Variants in MYH10 observed in about 807,000 individuals in gnomAD.
MYH10 encodes myosin heavy chain 10.
MYH10 carries 55 observed loss-of-function variants against 257.8 expected under a neutral mutation model. That is an observed-to-expected ratio of 0.21 (90% CI 0.17 to 0.27). The LOEUF is 0.27. Among genes scored for constraint, MYH10 ranks in the 10% least tolerant of loss-of-function variants. The probability of loss-of-function intolerance (pLI) is 1.00; values close to 1 mark genes in which losing one functional copy is unlikely to be tolerated. For synonymous variants in MYH10, 854 were observed against 921.7 expected (o/e 0.93, Z 1.33); for missense variants, 1,631 against 2,500.6 (o/e 0.65, Z 7.42).
chr17:8,523,607 G>T (rs2081732624), intron 17 of MYH10, among the ~76,000 whole-genome samples: 1 of 152,176 alleles, frequency 6.6e-6, no homozygotes, highest in African/African-American at 2.4e-5. Flanking sequence ...AGGAGCTTAT[G>T]ACACTCGCAC....
intron 3 of MYH10, among the ~76,000 whole-genome samples, chr17:8,592,942 T>C (rs867866392): frequency 0.028 from 2,609 of 94,552 alleles, 339 homozygotes; most frequent in African/African-American, 0.083. Context: ...GCTATATATA[T>C]ATATATATAT....
At chr17:8,583,559 T>C (rs2083787788) in intron 4 of MYH10, among the ~76,000 whole-genome samples, 1 of 152,208 alleles carries the variant, frequency 6.6e-6, no homozygotes, top group South Asian at 2.1e-4. Context: ...ACATAGTTCA[T>C]GGCAGAGCTG....
At chr17:8,601,347 A>G (rs927325697) in intron 3 of MYH10, among the ~76,000 whole-genome samples, 23 of 152,188 alleles carry the variant, frequency 1.5e-4, no homozygotes, top group African/African-American at 5.5e-4. Flanking sequence ...AGTTCCTAAC[A>G]CACAGTGTTG....
chr17:8,496,103 T>G (rs1916577792), intron 30 of MYH10, among the ~76,000 whole-genome samples: 1 of 152,238 alleles, frequency 6.6e-6, no homozygotes, highest in African/African-American at 2.4e-5. Context: ...TAATATTTTT[T>G]TCTTCGCAAT....
At position 8,475,149 on chromosome 17, in the gene MYH10, A is replaced by G. The variant is rs1912316597; in HGVS notation, c.*655T>C. 6.5e-6 allele frequency: 1 copy of G among 152,736 alleles called. No homozygotes were observed. The highest frequency in any genetic ancestry group is 2.1e-4 in the South Asian group (1 of 4,842). 9.5% of individuals were successfully genotyped at this position (152,736 alleles called of 1,614,324 possible). ...GCCCTCGCCAAGGCCAGTTCACATG[A>G]GTAGATGCGGGACACCATCGACTCG... On this transcript the variant is annotated 3_prime_UTR_variant, in exon 43 of 43. Transcript: ENST00000360416.
chr17:8,483,287 G>A (rs1212751819), intron 37 of MYH10, among the ~76,000 whole-genome samples: 3 of 152,150 alleles, frequency 2.0e-5, no homozygotes, highest in Admixed American at 1.3e-4. Flanking sequence ...TGAGCTAAGT[G>A]TCCAACTCAA....
intron 30 of MYH10, among the ~76,000 whole-genome samples, chr17:8,497,923 T>C (rs1482440613): frequency 1.3e-5 from 2 of 150,448 alleles, no homozygotes; most frequent in Non-Finnish European, 3.0e-5. Flanking sequence ...GTATTATAAG[T>C]AATCTAGAGA....
chr17:8,482,291 A>AAGGTGTCTTAGG (rs1444111909), intron 37 of MYH10, among the ~76,000 whole-genome samples: 3 of 152,168 alleles, frequency 2.0e-5, no homozygotes, highest in African/African-American at 7.2e-5. Flanking sequence ...GCACACCTTG[A>AAGGTGTCTTAGG]AGGTGTCTTA....
chr17:8,491,874 C>T (rs549552318), intron 34 of MYH10, among the ~76,000 whole-genome samples: 6 of 152,184 alleles, frequency 3.9e-5, no homozygotes, highest in Non-Finnish European at 8.8e-5. Flanking sequence ...TCAAAGAAAA[C>T]AGTGGGGCCT....
chr17:8,493,350 A>G lies in MYH10; in HGVS notation c.4210-326T>C, dbSNP rs1485059218. Among the ~76,000 whole-genome samples, 8 of 152,224 alleles carry G rather than the reference A, an allele frequency of 5.3e-5. No individual in the cohort carries two copies. The South Asian group carries it at 1.0e-3, about 20-fold the overall frequency. On this transcript the variant is annotated intron_variant, in intron 32 of 42. Coordinates refer to ENST00000360416, the MANE Select transcript of MYH10 (RefSeq NM_001256012.3). ...CAAAGTGAGACTCTATCTCAAGGAA[A>G]AAAAAAAAAGAACTCAATTGGTTTT... is the stretch of plus-strand genomic sequence containing the variant.
intron 2 of MYH10, among the ~76,000 whole-genome samples, chr17:8,614,841 A>G: frequency 6.6e-6 from 1 of 152,210 alleles, no homozygotes; most frequent in East Asian, 1.9e-4. Flanking sequence ...GGTGACACTC[A>G]TTTTAAAAAA....
At chr17:8,494,925 C>G (rs75408115) in intron 31 of MYH10, among the ~76,000 whole-genome samples, 1 of 152,240 alleles carries the variant, frequency 6.6e-6, no homozygotes, top group Admixed American at 6.5e-5. Flanking sequence ...CACCCACGTG[C>G]CTGCCAGACA....
At chr17:8,542,414 T>A in intron 13 of MYH10, 134 bp from the exon 14 acceptor site, 1 of 742,584 alleles carries the variant, frequency 1.3e-6, no homozygotes, top group Non-Finnish European at 2.2e-6. Flanking sequence ...TGCTTCTATC[T>A]AATGACAGTG....
At chr17:8,551,575 C>T (rs564041605) in intron 9 of MYH10, among the ~76,000 whole-genome samples, 1 of 152,262 alleles carries the variant, frequency 6.6e-6, no homozygotes, top group South Asian at 2.1e-4. Context: ...TTTGTACCTG[C>T]CCAACTCTAA....
chr17:8,476,310 G>A lies in MYH10; in HGVS notation c.5880-362C>T, dbSNP rs183380470. ...GACTCTGTTGCATATTCTTTGTTTC[G>A]GCGTTTTTATAACCATTTAAAAATG... On this transcript the variant is annotated intron_variant, in intron 42 of 42. Coordinates refer to ENST00000360416, the MANE Select transcript of MYH10 (RefSeq NM_001256012.3). Among the ~76,000 whole-genome samples the A allele has an allele frequency of 2.4e-4, 36 of 152,318 alleles. No homozygotes were observed. The South Asian group carries it at 6.8e-3, about 29-fold the overall frequency.
At chr17:8,548,268 A>G (rs949783550) in intron 11 of MYH10, 45 bp downstream of exon 11, 7 of 1,481,772 alleles carry the variant, frequency 4.7e-6, no homozygotes, top group South Asian at 2.3e-5. Flanking sequence ...TAGAGAGCAC[A>G]ACAAGCCATC....
At chr17:8,597,943 C>A (rs1241332191) in intron 3 of MYH10, among the ~76,000 whole-genome samples, 1 of 152,056 alleles carries the variant, frequency 6.6e-6, no homozygotes, top group Non-Finnish European at 1.5e-5. Flanking sequence ...AATGGTCTAA[C>A]CCATTTAGAT....
intron 16 of MYH10, among the ~76,000 whole-genome samples, chr17:8,531,271 C>T (rs761516261): frequency 2.6e-5 from 4 of 151,808 alleles, no homozygotes; most frequent in East Asian, 1.9e-4. Context: ...GAATTATAAG[C>T]GAGATTATAC....
At chr17:8,559,873 T>C (rs765753528) in intron 7 of MYH10, among the ~76,000 whole-genome samples, 24 of 152,318 alleles carry the variant, frequency 1.6e-4, no homozygotes, top group Middle Eastern at 6.8e-3. Flanking sequence ...CACTACCTCA[T>C]TGAGTTAATA....
Sources: gnomAD v4.1 joint callset for allele counts (sites outside exome capture counted in the v4.1 genomes callset) on GRCh38, gnomAD v4.1.1 for gene constraint, MANE v1.5 for transcripts, NCBI Gene and HGNC (gene_info 2026-07-23, HGNC 2026-07-21) for gene names.